Variants in MACROD2 observed in about 807,000 individuals in gnomAD.
MACROD2 encodes ADP-ribose glycohydrolase MACROD2.
MACROD2 carries 36 observed loss-of-function variants against 70.4 expected under a neutral mutation model. The observed-to-expected ratio is 0.51, with a 90% CI of 0.39 to 0.68. The LOEUF (loss-of-function observed/expected upper bound fraction) is 0.68, where lower values mean the gene tolerates loss of function less well. MACROD2 is among the 30% of genes least tolerant of loss of function. The probability of loss-of-function intolerance (pLI) is 0.00; values close to 1 mark genes in which losing one functional copy is unlikely to be tolerated. For synonymous variants in MACROD2, 172 were observed against 178.8 expected, an observed-to-expected ratio of 0.96 and a Z score of 0.30; for missense variants, 496 against 538.4, an observed-to-expected ratio of 0.92 and a Z score of 0.78.
chr20:14,270,587 C>CAAAA (rs11480264), intron 3 of MACROD2, among the ~76,000 whole-genome samples: 3 of 124,836 alleles, frequency 2.4e-5, no homozygotes, highest in Non-Finnish European at 3.2e-5. Context: ...GACTCCATCT[C>CAAAA]AAAAAAAAAA....
chr20:15,059,334 G>A (rs144964528), intron 5 of MACROD2, among the ~76,000 whole-genome samples: 9 of 151,472 alleles, frequency 5.9e-5, no homozygotes, highest in African/African-American at 1.9e-4. Context: ...GCAGTGAACC[G>A]AGATCACACC....
intron 8 of MACROD2, among the ~76,000 whole-genome samples, chr20:15,824,069 G>T (rs1488366383): frequency 6.6e-6 from 1 of 152,166 alleles, no homozygotes; most frequent in African/African-American, 2.4e-5. Flanking sequence ...TGAGCAATTG[G>T]TGGCTATGGT....
At chr20:14,464,006 G>A (rs956641973) in intron 3 of MACROD2, among the ~76,000 whole-genome samples, 3 of 151,720 alleles carry the variant, frequency 2.0e-5, no homozygotes, top group Non-Finnish European at 4.4e-5. Flanking sequence ...TTTTTTTGTT[G>A]TGTCTCTGCC....
At chr20:14,065,419 C>A (rs912046564) in intron 2 of MACROD2, among the ~76,000 whole-genome samples, 1 of 152,138 alleles carries the variant, frequency 6.6e-6, no homozygotes, top group African/African-American at 2.4e-5. Flanking sequence ...TTGGTTGAGT[C>A]ATCTCTGGCT....
At chr20:15,155,857 A>G (rs1261146594) in intron 5 of MACROD2, among the ~76,000 whole-genome samples, 1 of 25,878 alleles carries the variant, frequency 3.9e-5, no homozygotes, top group Non-Finnish European at 9.0e-5. Context: ...AGGAATAGAA[A>G]AAAAAAAACA....
chr20:14,998,185 C>T (rs1202611882), intron 5 of MACROD2, among the ~76,000 whole-genome samples: 1 of 152,130 alleles, frequency 6.6e-6, no homozygotes, highest in African/African-American at 2.4e-5. Context: ...AAATACCTAA[C>T]TATTTAATAT....
intron 8 of MACROD2, among the ~76,000 whole-genome samples, chr20:15,545,669 G>T (rs2048016514): frequency 6.6e-6 from 1 of 152,144 alleles, no homozygotes; most frequent in Non-Finnish European, 1.5e-5. Context: ...CAGTGCTTTG[G>T]ACTCGAGGAT....
rs1491447567 is a variant in MACROD2, at chr20:15,555,855, G to GAAAA, written c.645+56008_645+56009insAAAA. On this transcript the variant is annotated intron_variant, in intron 8 of 17. Coordinates refer to ENST00000684519, the MANE Select transcript of MACROD2 (RefSeq NM_001351661.2). ...AAAAAAAAAAAAAAAAAAAAAAAAA[G>GAAAA]GAAAAGAAAAGAAAAGGAAAGAACC... is the stretch of plus-strand genomic sequence containing the variant. Among the ~76,000 whole-genome samples, 140 of 92,384 alleles carry GAAAA rather than the reference G, an allele frequency of 1.5e-3. 2 individuals carry two copies. Among genetic ancestry groups the GAAAA allele is most frequent in the African/African-American group, 4.1e-3 (78 of 19,010 alleles). 60.6% of individuals were successfully genotyped at this position (92,384 alleles called of 152,430 possible).
At chr20:15,915,055 C>T (rs1025384244) in intron 10 of MACROD2, among the ~76,000 whole-genome samples, 63 of 152,252 alleles carry the variant, frequency 4.1e-4, no homozygotes, top group African/African-American at 1.4e-3. Flanking sequence ...GGTGTGCCAC[C>T]GTCCTAGCAT....
intron 3 of MACROD2, among the ~76,000 whole-genome samples, chr20:14,256,678 A>T (rs2082059478): frequency 6.6e-6 from 1 of 152,112 alleles, no homozygotes; most frequent in Non-Finnish European, 1.5e-5. Context: ...CCTAATGGAA[A>T]GTTTCTTGTG....
At chr20:15,786,620 A>G (rs1360946183) in intron 8 of MACROD2, among the ~76,000 whole-genome samples, 1 of 152,210 alleles carries the variant, frequency 6.6e-6, no homozygotes, top group Non-Finnish European at 1.5e-5. Flanking sequence ...TATCTCACAT[A>G]TGCAAGAACT....
intron 8 of MACROD2, among the ~76,000 whole-genome samples, chr20:15,787,916 A>G (rs1202790525): frequency 1.3e-5 from 2 of 152,152 alleles, no homozygotes; most frequent in Non-Finnish European, 2.9e-5. Context: ...GGGAATTGCA[A>G]TGTTTTTTAT....
intron 3 of MACROD2, among the ~76,000 whole-genome samples, chr20:14,090,857 G>A (rs1030955645): frequency 1.3e-5 from 2 of 152,160 alleles, no homozygotes; most frequent in Admixed American, 6.5e-5. Flanking sequence ...GTTAACTTAC[G>A]TTCCCAACAG....
chr20:14,946,656 G>C (rs751731881), intron 5 of MACROD2, among the ~76,000 whole-genome samples: 1 of 152,100 alleles, frequency 6.6e-6, no homozygotes, highest in Non-Finnish European at 1.5e-5. Flanking sequence ...TTATTGTAAG[G>C]TCAGCATCTG....
At chr20:14,646,723 A>G (rs1392087594) in intron 4 of MACROD2, among the ~76,000 whole-genome samples, 2 of 152,076 alleles carry the variant, frequency 1.3e-5, no homozygotes, top group African/African-American at 4.8e-5. Flanking sequence ...ATAATGGTAC[A>G]TTGTTTCATG....
At chr20:14,626,863 G>C (rs376123615) in intron 4 of MACROD2, 1 of 152,142 alleles carries the variant, frequency 6.6e-6, no homozygotes, top group Non-Finnish European at 1.5e-5. Context: ...TGGTGATTAG[G>C]GACTCAGTCC....
At chr20:14,066,707 A>G (rs2053762077) in intron 2 of MACROD2, among the ~76,000 whole-genome samples, 1 of 152,058 alleles carries the variant, frequency 6.6e-6, no homozygotes, top group African/African-American at 2.4e-5. Flanking sequence ...ATTGCAGTCT[A>G]TCAAGTTAAC....
Position 14,224,985 on chromosome 20 carries a change from T to G in MACROD2, c.271+139257T>G, listed in dbSNP as rs536029149. ...CCCAGCATTTCAGATTGGATCTGAT[T>G]TCCTGGGATTAAATTCCAGACGTTA... On this transcript the variant is annotated intron_variant, in intron 3 of 17. Transcript: ENST00000684519. Among the ~76,000 whole-genome samples, 6 of 152,310 alleles carry G rather than the reference T, an allele frequency of 3.9e-5. No homozygotes were observed. The East Asian group carries it at 1.2e-3, about 29-fold the overall frequency.
At chr20:15,185,112 GT>G (rs1349018839) in intron 5 of MACROD2, among the ~76,000 whole-genome samples, 1 of 152,090 alleles carries the variant, frequency 6.6e-6, no homozygotes, top group African/African-American at 2.4e-5. Flanking sequence ...GGATCCTTAA[GT>G]ACATAGATCA....
Sources: gnomAD v4.1 joint callset for allele counts (sites outside exome capture counted in the v4.1 genomes callset) on GRCh38, gnomAD v4.1.1 for gene constraint, MANE v1.5 for transcripts, NCBI Gene and HGNC (gene_info 2026-07-23, HGNC 2026-07-21) for gene names.